Variants in MAP3K15 observed in about 807,000 individuals in gnomAD.
The protein encoded by MAP3K15 is MAPK/ERK kinase kinase 15.
A neutral mutation model predicts 99.5 loss-of-function variants in MAP3K15; 124 were observed. The observed-to-expected ratio is 1.25, with a 90% CI of 1.08 to 1.45. The LOEUF (loss-of-function observed/expected upper bound fraction) is 1.45. Among genes scored for constraint, MAP3K15 ranks in the 40% most tolerant of loss-of-function variants. The pLI, the probability that MAP3K15 is intolerant of heterozygous loss-of-function variation, is 0.00. For missense variants in MAP3K15, 1,242 were observed against 1,079.7 expected, an observed-to-expected ratio of 1.15 and a Z score of -2.11; for synonymous variants, 494 against 439.6, an observed-to-expected ratio of 1.12 and a Z score of -1.55.
Position 19,425,645 on chromosome X carries a change from T to TTC in MAP3K15, c.1323_1324dup (p.Lys442ArgfsTer3). ...ACCCACATCCCAGTAATTGTTCATT[T>TTC]TCTCCAAGCTCCCTTTTCTTCCCAA... is the stretch of plus-strand genomic sequence containing the variant. On this transcript the variant is annotated frameshift_variant, in exon 9 of 29. Transcript: ENST00000338883. LOFTEE classifies it high-confidence loss of function. 1 of 1,199,612 alleles carries TTC rather than the reference T, an allele frequency of 8.3e-7. No homozygotes were observed. The highest frequency in any genetic ancestry group is 1.8e-5 in the South Asian group (1 of 56,758).
At chrX:19,373,374 A>C (rs1470604858) in intron 21 of MAP3K15, among the ~76,000 whole-genome samples, 162 bp downstream of exon 21, 1 of 110,066 alleles carries the variant, frequency 9.1e-6, no homozygotes, top group African/African-American at 3.3e-5. Context: ...TGAACGAAGC[A>C]CCCTCCTTGC....
At chrX:19,506,924 AG>A (rs2064481435) in intron 1 of MAP3K15, among the ~76,000 whole-genome samples, 1 of 112,566 alleles carries the variant, frequency 8.9e-6, no homozygotes, top group African/African-American at 3.2e-5. Context: ...ACGTAACAGA[AG>A]GAAAAAACAA....
At chrX:19,437,574 T>C (rs1495293) in intron 6 of MAP3K15, among the ~76,000 whole-genome samples, 14,441 of 111,574 alleles carry the variant, frequency 0.13, 2,015 homozygotes, top group African/African-American at 0.42. Flanking sequence ...CACTTTCTAA[T>C]AGGTGTGGTC....
At chrX:19,493,211 T>C (rs188147520) in intron 1 of MAP3K15, among the ~76,000 whole-genome samples, 38 of 109,658 alleles carry the variant, frequency 3.5e-4, no homozygotes, top group African/African-American at 1.2e-3. Flanking sequence ...TTGCCAAGAT[T>C]CCATTTTGAT....
chrX:19,471,339 A>T (rs1051384385), intron 3 of MAP3K15, among the ~76,000 whole-genome samples: 2 of 109,998 alleles, frequency 1.8e-5, no homozygotes, highest in Non-Finnish European at 3.8e-5. Flanking sequence ...ATCTTGGATC[A>T]CCACAACCTC....
intron 25 of MAP3K15, among the ~76,000 whole-genome samples, chrX:19,363,147 G>A (rs1266229987): frequency 8.9e-6 from 1 of 111,992 alleles, no homozygotes; most frequent in African/African-American, 3.2e-5. Context: ...CCCGGCCCAA[G>A]TTCATATGTT....
chrX:19,384,662 G>A (rs1047903139), intron 18 of MAP3K15, among the ~76,000 whole-genome samples: 1 of 101,884 alleles, frequency 9.8e-6, no homozygotes, highest in African/African-American at 3.6e-5. Context: ...AGGATCACCT[G>A]AGCCCATGAA....
At chrX:19,508,265 G>A (rs1334629125) in intron 1 of MAP3K15, among the ~76,000 whole-genome samples, 1 of 111,127 alleles carries the variant, frequency 9.0e-6, no homozygotes, top group African/African-American at 3.3e-5. Context: ...TCTGCCTCCT[G>A]GGCTCAAGCG....
rs747932040 is a variant in MAP3K15, at chrX:19,497,859, G to A, written c.362-8892C>T. On this transcript the variant is annotated intron_variant, in intron 1 of 28. Transcript: ENST00000338883. ...TCAAAATCAAGTGGCACAAGTTTGC[G>A]TTCCTCTGCACAGGACAAGGAATGG... 24 of 111,092 alleles carry A rather than the reference G, an allele frequency of 2.2e-4. No homozygotes were observed. The South Asian group carries it at 7.2e-3, about 33-fold the overall frequency. 9.2% of individuals were successfully genotyped at this position (111,092 alleles called of 1,213,427 possible). A position where few individuals can be genotyped will look rare whatever the true frequency, so the allele number is the denominator to read the frequency against.
In MAP3K15 at chrX:19,434,439, T is replaced by C. The variant is rs770923872; in HGVS notation, c.996-2831A>G. Among the ~76,000 whole-genome samples, 4 of 108,543 alleles carry C rather than the reference T, an allele frequency of 3.7e-5. No homozygotes were observed. In the South Asian group the frequency reaches 1.6e-3, roughly 44 times the overall value. The allele number at this position is 108,543 out of a possible 115,157, so 94.3% of individuals were successfully genotyped here. ...TTTAAGGAGAAATGGGGTTTAACCA[T>C]GTTGGCCAGGCTGGTCTTGAACTCA... is the stretch of plus-strand genomic sequence containing the variant. On this transcript the variant is annotated intron_variant, in intron 6 of 28. Coordinates refer to ENST00000338883, the MANE Select transcript of MAP3K15 (RefSeq NM_001001671.4).
chrX:19,367,611 G>A (rs867927113), intron 25 of MAP3K15, among the ~76,000 whole-genome samples: 7 of 107,086 alleles, frequency 6.5e-5, no homozygotes, highest in Non-Finnish European at 1.3e-4. Context: ...TCCAAAATAC[G>A]TAACTGGCCC....
intron 18 of MAP3K15, among the ~76,000 whole-genome samples, chrX:19,391,759 C>T (rs1183656537): frequency 9.1e-6 from 1 of 109,888 alleles, no homozygotes; most frequent in East Asian, 2.8e-4. Flanking sequence ...CTCCATCTAC[C>T]CAACTTTTGG....
chrX:19,473,467 T>C (rs1212778894), intron 3 of MAP3K15, among the ~76,000 whole-genome samples: 1 of 112,558 alleles, frequency 8.9e-6, no homozygotes, highest in African/African-American at 3.2e-5. Flanking sequence ...TTTGTAGTTG[T>C]TACATTTATA....
intron 1 of MAP3K15, among the ~76,000 whole-genome samples, chrX:19,507,252 A>G (rs1345490451): frequency 9.0e-6 from 1 of 111,671 alleles, no homozygotes; most frequent in African/African-American, 3.3e-5. Flanking sequence ...AGTGTATTCA[A>G]TTACAGCATC....
chrX:19,450,736 C>T (rs915868038), intron 6 of MAP3K15, among the ~76,000 whole-genome samples: 2 of 108,666 alleles, frequency 1.8e-5, no homozygotes, highest in Non-Finnish European at 3.9e-5. Context: ...AAGGAGGGAA[C>T]TGAAGAAGGA....
At chrX:19,405,047 G>A (rs150496143) in intron 13 of MAP3K15, among the ~76,000 whole-genome samples, 2 of 109,914 alleles carry the variant, frequency 1.8e-5, no homozygotes, top group African/African-American at 3.4e-5. Flanking sequence ...CTTTCGTGCT[G>A]CAAGTGATAC....
chrX:19,496,066 A>ATT (rs374380661), intron 1 of MAP3K15, among the ~76,000 whole-genome samples: 167 of 91,533 alleles, frequency 1.8e-3, no homozygotes, highest in African/African-American at 6.2e-3. Context: ...CATCACCCCA[A>ATT]TTTTTTTTTT....
chrX:19,477,707 G>GAAAA (rs770275001), intron 3 of MAP3K15, among the ~76,000 whole-genome samples: 313 of 20,638 alleles, frequency 0.015, 15 homozygotes, highest in African/African-American at 0.05. Context: ...AAGAGTGTTA[G>GAAAA]AAAAAAAAAA....
intron 26 of MAP3K15, 66 bp downstream of exon 26, chrX:19,362,672 G>T: frequency 1.5e-6 from 1 of 670,589 alleles, no homozygotes; most frequent in Non-Finnish European, 2.4e-6. Context: ...AACCTCAAAT[G>T]TTTCTTCAAA....
Sources: allele counts gnomAD v4.1 joint callset (sites outside exome capture counted in the v4.1 genomes callset), GRCh38; gene constraint gnomAD v4.1.1; transcripts MANE v1.5; gene names NCBI Gene and HGNC (gene_info 2026-07-23, HGNC 2026-07-21).